The following FAM81B variants were observed in gnomAD, a reference collection of about 807,000 sequenced individuals.
FAM81B encodes protein FAM81B.
In FAM81B, 60 loss-of-function variants were observed where a neutral mutation model predicts 58.7. That is an observed-to-expected ratio of 1.02 (90% CI 0.83 to 1.27). The LOEUF (loss-of-function observed/expected upper bound fraction) is 1.27. Among genes scored for constraint, FAM81B ranks in the 50% most tolerant of loss-of-function variants. The probability of loss-of-function intolerance (pLI) is 0.00; values close to 1 mark genes in which losing one functional copy is unlikely to be tolerated. For synonymous variants in FAM81B, 189 were observed against 179.6 expected (o/e 1.05, Z -0.42); for missense variants, 491 against 522.0 (o/e 0.94, Z 0.58).
At chr5:95,417,361 T>C (rs1762564417) in intron 4 of FAM81B, among the ~76,000 whole-genome samples, 1 of 152,176 alleles carries the variant, frequency 6.6e-6, no homozygotes. Context: ...AGTGACTATT[T>C]AAAGTAACAA....
intron 3 of FAM81B, among the ~76,000 whole-genome samples, chr5:95,398,859 G>A (rs750765457): frequency 3.3e-5 from 5 of 152,188 alleles, no homozygotes; most frequent in Non-Finnish European, 5.9e-5. Flanking sequence ...TTCTTACGGT[G>A]TAGCAGGAAC....
intron 5 of FAM81B, among the ~76,000 whole-genome samples, chr5:95,424,987 G>C (rs986304418): frequency 1.3e-5 from 2 of 151,924 alleles, no homozygotes; most frequent in African/African-American, 4.8e-5. Flanking sequence ...TCTTAAAATA[G>C]AACAAATGCA....
intron 4 of FAM81B, among the ~76,000 whole-genome samples, chr5:95,419,284 C>T (rs1364000158): frequency 2.0e-5 from 3 of 152,130 alleles, no homozygotes; most frequent in Non-Finnish European, 4.4e-5. Flanking sequence ...TATAAAAATT[C>T]TTCCTTTCCT....
chr5:95,426,917 C>G (rs141239756), intron 5 of FAM81B, among the ~76,000 whole-genome samples: 4 of 152,206 alleles, frequency 2.6e-5, no homozygotes, highest in African/African-American at 9.6e-5. Context: ...GGCGTGGTGG[C>G]GCATGCCTGT....
At chr5:95,424,057 C>A (rs1762759723) in intron 5 of FAM81B, 6 of 1,289,696 alleles carry the variant, frequency 4.7e-6, no homozygotes, top group Non-Finnish European at 6.1e-6. Flanking sequence ...TAGGACCTCC[C>A]TCCTTGCCCG....
intron 3 of FAM81B, among the ~76,000 whole-genome samples, chr5:95,399,257 T>A (rs994828712): frequency 1.3e-5 from 2 of 152,216 alleles, no homozygotes; most frequent in South Asian, 4.1e-4. Flanking sequence ...CTGAAAGTAT[T>A]CATTTTCAAG....
At chr5:95,440,230 T>G in intron 7 of FAM81B, 6 of 682,874 alleles carry the variant, frequency 8.8e-6, no homozygotes, top group Non-Finnish European at 1.7e-5. Flanking sequence ...GGTCTAGCTG[T>G]GAGGCTTGAA....
At chr5:95,404,025 G>T (rs1261100050) in intron 3 of FAM81B, among the ~76,000 whole-genome samples, 1 of 152,112 alleles carries the variant, frequency 6.6e-6, no homozygotes, top group East Asian at 1.9e-4. Context: ...TTCTAAATTT[G>T]GGGGGAAATG....
intron 6 of FAM81B, among the ~76,000 whole-genome samples, chr5:95,436,559 C>T (rs1455942537): frequency 6.6e-6 from 1 of 152,150 alleles, no homozygotes; most frequent in Non-Finnish European, 1.5e-5. Flanking sequence ...AAAGAATATT[C>T]TAGACAACAG....
intron 7 of FAM81B, among the ~76,000 whole-genome samples, chr5:95,443,492 T>A (rs139620887): frequency 2.6e-4 from 39 of 152,292 alleles, no homozygotes; most frequent in African/African-American, 9.1e-4. Flanking sequence ...GAAATGCTCA[T>A]ACACCTATTG....
chr5:95,426,581 C>CA (rs1762836530), intron 5 of FAM81B, among the ~76,000 whole-genome samples: 1 of 152,160 alleles, frequency 6.6e-6, no homozygotes, highest in African/African-American at 2.4e-5. Context: ...TCAGGACAGC[C>CA]ACTTACAGTT....
intron 7 of FAM81B, chr5:95,440,079 T>C: frequency 2.0e-6 from 1 of 496,632 alleles, no homozygotes; most frequent in African/African-American, 2.0e-5. Flanking sequence ...ACCAGAAAAT[T>C]AGACACTACA....
intron 8 of FAM81B, among the ~76,000 whole-genome samples, chr5:95,447,363 C>T (rs1745618296): frequency 6.6e-6 from 1 of 152,172 alleles, no homozygotes; most frequent in South Asian, 2.1e-4. Context: ...ATAATGTCCC[C>T]AGCTCCAGCC....
chr5:95,444,431 A>G (rs1246923719), intron 7 of FAM81B, among the ~76,000 whole-genome samples: 2 of 152,204 alleles, frequency 1.3e-5, no homozygotes, highest in African/African-American at 4.8e-5. Context: ...GGTGGTGTAT[A>G]AATGTAAATC....
At position 95,436,861 on chromosome 5, in the gene FAM81B, T is replaced by C. The variant is rs1177071407; in HGVS notation, c.848T>C (p.Met283Thr). The C allele has an allele frequency of 6.2e-7, 1 of 1,614,096 alleles. No homozygotes were observed. ...ASSEQTSNLK[M>T]VQGDYRHEMN... ...TCTGAGCAAACCTCGAATTTAAAGATGGTCCAGGGGGATTATCGCCACGAA... is the reference window on the plus strand; with the variant it reads ...TCTGAGCAAACCTCGAATTTAAAGACGGTCCAGGGGGATTATCGCCACGAA... Residue 283 changes from methionine (M) to threonine (T), a missense_variant, in exon 7 of 10, where the codon ATG (methionine) becomes ACG (threonine). By Grantham distance (81) the Met-to-Thr change is moderately conservative. Transcript: ENST00000283357.
chr5:95,445,017 G>A (rs1037768975), intron 7 of FAM81B, among the ~76,000 whole-genome samples: 1 of 152,104 alleles, frequency 6.6e-6, no homozygotes, highest in Non-Finnish European at 1.5e-5. Context: ...GGGGCAAGCA[G>A]GTGGGAGGGG....
intron 1 of FAM81B, 76 bp downstream of exon 1, chr5:95,391,589 C>A: frequency 6.9e-7 from 1 of 1,457,250 alleles, no homozygotes; most frequent in Non-Finnish European, 9.2e-7. Flanking sequence ...TACATATAAA[C>A]AAAATAATGA....
intron 6 of FAM81B, among the ~76,000 whole-genome samples, chr5:95,434,561 C>T (rs1006270354): frequency 7.2e-5 from 11 of 152,176 alleles, no homozygotes; most frequent in African/African-American, 2.7e-4. Flanking sequence ...GCTGCAAATC[C>T]CTTTTGCTCT....
intron 6 of FAM81B, among the ~76,000 whole-genome samples, chr5:95,431,207 C>T (rs941160136): frequency 2.0e-5 from 3 of 151,986 alleles, no homozygotes; most frequent in African/African-American, 7.2e-5. Context: ...TTTGTGGCTG[C>T]TGGAATTTCA....
Sources: gnomAD v4.1 joint callset for allele counts (sites outside exome capture counted in the v4.1 genomes callset) on GRCh38, gnomAD v4.1.1 for gene constraint, MANE v1.5 for transcripts, NCBI Gene and HGNC (gene_info 2026-07-23, HGNC 2026-07-21) for gene names.